SMOC2: variants seen among roughly 807,000 people sequenced by gnomAD.
The protein encoded by SMOC2 is SPARC-related modular calcium-binding protein 2.
In SMOC2, 39 loss-of-function variants were observed where a neutral mutation model predicts 61.4. That is an observed-to-expected ratio of 0.64 (90% CI 0.49 to 0.83). The LOEUF is 0.83. Ranked by LOEUF, SMOC2 falls within the 40% of genes least tolerant of loss-of-function variation. The pLI, the probability that SMOC2 is intolerant of heterozygous loss-of-function variation, is 0.00. For missense variants in SMOC2, 556 were observed against 592.9 expected, an observed-to-expected ratio of 0.94 and a Z score of 0.65; for synonymous variants, 247 against 239.9, an observed-to-expected ratio of 1.03 and a Z score of -0.27.
chr6:168,517,923 A>G (rs2115061395), intron 2 of SMOC2, among the ~76,000 whole-genome samples: 1 of 152,298 alleles, frequency 6.6e-6, no homozygotes, highest in South Asian at 2.1e-4. Flanking sequence ...AGGGCGCCGG[A>G]GCGCGAGCCT....
intron 9 of SMOC2, among the ~76,000 whole-genome samples, chr6:168,611,725 G>A (rs1034930973): frequency 2.0e-5 from 3 of 151,266 alleles, no homozygotes; most frequent in Admixed American, 6.6e-5. Flanking sequence ...CTCCCGTGTC[G>A]GGCCTGGCTG....
chr6:168,590,107 G>C (rs111905045), intron 7 of SMOC2, among the ~76,000 whole-genome samples: 1 of 80,972 alleles, frequency 1.2e-5, no homozygotes. Flanking sequence ...CATTAGTTTA[G>C]GGGGCAGCCG....
At chr6:168,532,099 C>T (rs747655002) in intron 4 of SMOC2, among the ~76,000 whole-genome samples, 1 of 152,186 alleles carries the variant, frequency 6.6e-6, no homozygotes, top group Non-Finnish European at 1.5e-5. Flanking sequence ...ATGTGCTTCT[C>T]AGAGCCCTGC....
chr6:168,569,801 C>T (rs1357453002), intron 7 of SMOC2, among the ~76,000 whole-genome samples: 3 of 152,204 alleles, frequency 2.0e-5, no homozygotes, highest in Admixed American at 6.5e-5. Flanking sequence ...CTGTCTGCAG[C>T]TTGTCTTCTC....
In SMOC2 at chr6:168,544,228, A is replaced by G. The variant is rs1256113228; in HGVS notation, c.511+556A>G. On this transcript the variant is annotated intron_variant, in intron 5 of 12. Coordinates refer to ENST00000356284, the MANE Select transcript of SMOC2 (RefSeq NM_001166412.2). This position sits in a 1 kb window ranked among gnomAD's most constrained non-coding sequence, Gnocchi z 4.1. ...CCATGACCCCCCTGGGAAAGTCTCC[A>G]TCCTCTTCTCTGCCCTTGCCTCGGC... Among the ~76,000 whole-genome samples, 1 of 152,082 alleles carries G rather than the reference A, an allele frequency of 6.6e-6. No homozygotes were observed. Among genetic ancestry groups the G allele is most frequent in the Admixed American group, 6.6e-5 (1 of 15,264 alleles).
Position 168,569,195 on chromosome 6 carries a change from G to A in SMOC2, c.637+19992G>A, listed in dbSNP as rs564170411. 7.4e-4 allele frequency among the ~76,000 whole-genome samples: 112 copies of A among 152,274 alleles called. 1 individual carries two copies. The South Asian group carries it at 0.023, about 31-fold the overall frequency. The stretch of plus-strand genomic sequence containing the variant: ...CTTTGTAGCCTCCCCAGCAGCTGGT[G>A]TTGTCAATGTTTTTGATTTTAGGAA... On this transcript the variant is annotated intron_variant, in intron 7 of 12. Coordinates refer to ENST00000356284, the MANE Select transcript of SMOC2 (RefSeq NM_001166412.2).
chr6:168,518,410 T>G (rs952275541), intron 2 of SMOC2, among the ~76,000 whole-genome samples: 1 of 147,852 alleles, frequency 6.8e-6, no homozygotes, highest in Non-Finnish European at 1.5e-5. Context: ...TGCTTGTGTG[T>G]GAATGTGTGC....
chr6:168,566,537 C>T, intron 7 of SMOC2, among the ~76,000 whole-genome samples: 1 of 138,178 alleles, frequency 7.2e-6, no homozygotes, highest in Non-Finnish European at 1.5e-5. Context: ...GGCTGGAGTG[C>T]AATGGTGTGA....
intron 1 of SMOC2, among the ~76,000 whole-genome samples, chr6:168,461,462 T>C (rs2115003508): frequency 6.6e-6 from 1 of 152,318 alleles, no homozygotes; most frequent in East Asian, 1.9e-4. Context: ...TTTTAGAGAA[T>C]ACCTAAAAAT....
chr6:168,567,723 G>A (rs1354856931), intron 7 of SMOC2, among the ~76,000 whole-genome samples: 3 of 151,918 alleles, frequency 2.0e-5, no homozygotes, highest in South Asian at 2.1e-4. Context: ...GTCCAGAAAC[G>A]TTATCTGAAG....
At position 168,532,432 on chromosome 6, in the gene SMOC2, C is replaced by T. The variant is rs9346720; in HGVS notation, c.463+4705C>T. ...TCTTTCTTTTCTTCCTCACCACCCT[C>T]CCCCCCTCCCCCACAAAGATTTGAA... On this transcript the variant is annotated intron_variant, in intron 4 of 12. Coordinates refer to ENST00000356284, the MANE Select transcript of SMOC2 (RefSeq NM_001166412.2). 8.5e-4 allele frequency among the ~76,000 whole-genome samples: 128 copies of T among 150,140 alleles called. 1 individual carries two copies. Among genetic ancestry groups the T allele is most frequent in the South Asian group, 7.4e-3 (35 of 4,702 alleles).
intron 7 of SMOC2, among the ~76,000 whole-genome samples, chr6:168,575,530 T>C (rs183114334): frequency 3.8e-4 from 58 of 152,256 alleles, no homozygotes; most frequent in Non-Finnish European, 7.4e-4. Context: ...AGTTCCCCGA[T>C]GCAGAAGACG....
At chr6:168,617,064 C>T (rs1221303454) in intron 9 of SMOC2, among the ~76,000 whole-genome samples, 7 of 152,160 alleles carry the variant, frequency 4.6e-5, no homozygotes, top group Non-Finnish European at 1.0e-4. Context: ...AGCGATATGG[C>T]TACTCTTGCA....
At chr6:168,613,857 GCCTCTTCACACCTACAGCCAGCACAGGA>G (rs1785965881) in intron 9 of SMOC2, among the ~76,000 whole-genome samples, 2 of 66,546 alleles carry the variant, frequency 3.0e-5, no homozygotes, top group Non-Finnish European at 3.1e-5. Flanking sequence ...AGCACAGGGG[GCCTCTTCACACCTACAGCCAGCACAGGA>G]CCTCTTCACA....
At position 168,500,809 on chromosome 6, in the gene SMOC2, G is replaced by A. The variant is rs374787723; in HGVS notation, c.85-9106G>A. Among the ~76,000 whole-genome samples, 12 of 152,184 alleles carry A rather than the reference G, an allele frequency of 7.9e-5. No individual in the cohort carries two copies. In the East Asian group the frequency reaches 9.6e-4, roughly 12 times the overall value. On this transcript the variant is annotated intron_variant, in intron 1 of 12. Coordinates refer to ENST00000356284, the MANE Select transcript of SMOC2 (RefSeq NM_001166412.2). Reference sequence around the variant, plus strand: ...CTGCTTCACAGTGGCCGCCGAGGACGCACACGAGTGCTTCACACTCATCCA... The same window carrying A: ...CTGCTTCACAGTGGCCGCCGAGGACACACACGAGTGCTTCACACTCATCCA...
At chr6:168,566,677 G>A (rs560128713) in intron 7 of SMOC2, among the ~76,000 whole-genome samples, 3 of 151,912 alleles carry the variant, frequency 2.0e-5, no homozygotes, top group Non-Finnish European at 2.9e-5. Flanking sequence ...GCATTTAGTG[G>A]AGAGTAGAGT....
intron 7 of SMOC2, among the ~76,000 whole-genome samples, chr6:168,597,101 G>A (rs1037381691): frequency 6.6e-6 from 1 of 152,248 alleles, no homozygotes; most frequent in Non-Finnish European, 1.5e-5. Flanking sequence ...AGCGTATGAG[G>A]TTGCCAGGGG....
Position 168,513,930 on chromosome 6 carries a change from C to T in SMOC2, c.256+3844C>T, listed in dbSNP as rs377596190. Among the ~76,000 whole-genome samples the T allele has an allele frequency of 2.4e-4, 36 of 152,316 alleles. No homozygotes were observed. The South Asian group carries it at 4.1e-3, about 18-fold the overall frequency. On this transcript the variant is annotated intron_variant, in intron 2 of 12. Coordinates refer to ENST00000356284, the MANE Select transcript of SMOC2 (RefSeq NM_001166412.2). ...TAGGATCCCAGATGCTCCCAACGCCCGGCCTGTCTTCAGACTCTCCTATGA... is the reference window on the plus strand; with the variant it reads ...TAGGATCCCAGATGCTCCCAACGCCTGGCCTGTCTTCAGACTCTCCTATGA...
At chr6:168,606,179 G>A (rs1315570191) in intron 8 of SMOC2, among the ~76,000 whole-genome samples, 2 of 152,140 alleles carry the variant, frequency 1.3e-5, no homozygotes, top group South Asian at 4.1e-4. Flanking sequence ...CCTGCTGGCC[G>A]CAGCAGCAGC....
Sources: gnomAD v4.1 joint callset for allele counts (sites outside exome capture counted in the v4.1 genomes callset) on GRCh38, gnomAD v4.1.1 for gene constraint, Gnocchi (gnomAD v3.1) non-coding constraint, MANE v1.5 for transcripts, NCBI Gene and HGNC (gene_info 2026-07-23, HGNC 2026-07-21) for gene names.